NUP98: variants seen among roughly 807,000 people sequenced by gnomAD.
The protein encoded by NUP98 is nuclear pore complex protein Nup98-Nup96.
NUP98 carries 26 observed loss-of-function variants against 191.9 expected under a neutral mutation model. The ratio of observed to expected loss-of-function variants is 0.14; its 90% CI spans 0.10 to 0.19. The LOEUF (loss-of-function observed/expected upper bound fraction) is 0.19. Among genes scored for constraint, NUP98 ranks in the 10% least tolerant of loss-of-function variants. The pLI, the probability that NUP98 is intolerant of heterozygous loss-of-function variation, is 1.00. For missense variants in NUP98, 1,941 were observed against 2,178.8 expected (o/e 0.89, Z 2.17); for synonymous variants, 808 against 778.4 (o/e 1.04, Z -0.63).
At chr11:3,722,790 G>A (rs759341714) in intron 16 of NUP98, among the ~76,000 whole-genome samples, 5 of 152,080 alleles carry the variant, frequency 3.3e-5, no homozygotes, top group Non-Finnish European at 7.4e-5. Context: ...TCCAGCCTGG[G>A]CGACAGAGCG....
chr11:3,718,675 A>G (rs540146622), intron 18 of NUP98, among the ~76,000 whole-genome samples: 1 of 152,366 alleles, frequency 6.6e-6, no homozygotes, highest in South Asian at 2.1e-4. Flanking sequence ...TTATGAAGAT[A>G]AATAATTTTC....
intron 23 of NUP98, among the ~76,000 whole-genome samples, chr11:3,701,190 C>T (rs2078665221): frequency 6.6e-6 from 1 of 151,448 alleles, no homozygotes; most frequent in African/African-American, 2.4e-5. Context: ...TGAGGCTAAG[C>T]TTCTAGATAC....
chr11:3,755,298 G>GAAA (rs34400646), intron 10 of NUP98, among the ~76,000 whole-genome samples: 1 of 136,720 alleles, frequency 7.3e-6, no homozygotes, highest in East Asian at 2.2e-4. Context: ...CTACTACCAC[G>GAAA]AAAAAAAAAA....
rs1564817907 is a variant in NUP98, at chr11:3,699,338, G to A, written c.3753C>T (p.His1251=). 1.2e-6 allele frequency: 2 copies of A among 1,613,870 alleles called. No individual in the cohort carries two copies. Among genetic ancestry groups the A allele is most frequent in the Non-Finnish European group, 1.7e-6 (2 of 1,179,736 alleles). The change falls in exon 25 of 33, where the codon CAC becomes CAT. Residue 1251 remains histidine (H), a synonymous_variant. Transcript: ENST00000324932. ...GDLPEAQIVK[H]WSLTWTLCEA... is the part of the protein sequence containing the mutation. ...CACATAGTGTCCATGTCAGGCTCCA[G>A]TGCTTCACAACTAAGGCAGGAAGAG...
At chr11:3,764,750 T>C (rs908984773) in intron 8 of NUP98, among the ~76,000 whole-genome samples, 4 of 152,206 alleles carry the variant, frequency 2.6e-5, no homozygotes, top group Non-Finnish European at 4.4e-5. Context: ...GGCTAATTTT[T>C]TGTATTTTTA....
chr11:3,741,245 T>C (rs892671887), intron 12 of NUP98, among the ~76,000 whole-genome samples: 12 of 152,082 alleles, frequency 7.9e-5, no homozygotes, highest in Non-Finnish European at 1.8e-4. Context: ...AACTGAGTTT[T>C]AAGCAAAAAA....
At chr11:3,728,092 C>T (rs952238166) in intron 14 of NUP98, among the ~76,000 whole-genome samples, 6 of 152,022 alleles carry the variant, frequency 3.9e-5, no homozygotes, top group African/African-American at 4.8e-5. Context: ...GAGTACAGAG[C>T]GTCAGGGTTA....
At chr11:3,704,688 C>T (rs1589993312) in intron 22 of NUP98, among the ~76,000 whole-genome samples, 1 of 152,174 alleles carries the variant, frequency 6.6e-6, no homozygotes, top group East Asian at 1.9e-4. Flanking sequence ...TCTGCACAAA[C>T]AGAGGTAATT....
chr11:3,677,105 A>G (rs931809728), intron 31 of NUP98, among the ~76,000 whole-genome samples: 2 of 152,254 alleles, frequency 1.3e-5, no homozygotes, highest in Non-Finnish European at 2.9e-5. Context: ...TAGAAAATAA[A>G]TAAGAAAACA....
Position 3,699,352 on chromosome 11 carries a change from A to G in NUP98, c.3743-4T>C. The G allele has an allele frequency of 6.2e-7, 1 of 1,611,338 alleles. No homozygotes were observed. On this transcript the variant is annotated splice_region_variant and splice_polypyrimidine_tract_variant and intron_variant, in intron 24 of 32. Coordinates refer to ENST00000324932, the MANE Select transcript of NUP98 (RefSeq NM_016320.5). ...GTCAGGCTCCAGTGCTTCACAACTA[A>G]GGCAGGAAGAGAAAAACAATGTTAC...
At chr11:3,738,581 T>G (rs751124143) in intron 12 of NUP98, among the ~76,000 whole-genome samples, 1 of 151,922 alleles carries the variant, frequency 6.6e-6, no homozygotes, top group Non-Finnish European at 1.5e-5. Flanking sequence ...ACTTCAAGAA[T>G]AGCCTGGCCA....
At chr11:3,751,779 A>G (rs970017598) in intron 11 of NUP98, among the ~76,000 whole-genome samples, 2 of 152,040 alleles carry the variant, frequency 1.3e-5, no homozygotes, top group Non-Finnish European at 2.9e-5. Context: ...GGATGGTTTG[A>G]GCCTGGGAGG....
chr11:3,770,833 C>G (rs1047504084), intron 7 of NUP98, among the ~76,000 whole-genome samples: 1 of 152,130 alleles, frequency 6.6e-6, no homozygotes, highest in East Asian at 1.9e-4. Flanking sequence ...GTTCTATAAT[C>G]AAACTGGGTC....
At position 3,700,826 on chromosome 11, in the gene NUP98, G is replaced by C. The variant is rs1174857706; in HGVS notation, c.3526C>G (p.Pro1176Ala). 2.5e-6 allele frequency: 4 copies of C among 1,612,980 alleles called. No homozygotes were observed. The South Asian group carries it at 3.3e-5, about 13-fold the overall frequency. Residue 1176 changes from proline to alanine, a missense_variant, in exon 24 of 33, where the codon CCA (proline) becomes GCA (alanine). By Grantham distance (27) the Pro-to-Ala change is conservative (BLOSUM62 -1). Coordinates refer to ENST00000324932, the MANE Select transcript of NUP98 (RefSeq NM_016320.5). ...AGTTTTTCTAAGTGAACTTTGAATGGGGACTCAGTTAGGCTACAAGAGCAA... is the reference window on the plus strand; with the variant it reads ...AGTTTTTCTAAGTGAACTTTGAATGCGGACTCAGTTAGGCTACAAGAGCAA... ...PVAVKPLTESPFKVHLEKLSL... is the reference protein window; with the variant it reads ...PVAVKPLTESAFKVHLEKLSL...
intron 22 of NUP98, 27 bp from the exon 23 acceptor site, chr11:3,702,919 G>A (rs73426390): frequency 6.5e-7 from 1 of 1,547,948 alleles, no homozygotes; most frequent in South Asian, 1.2e-5. Context: ...ATGAAGGGGA[G>A]AAAGACTATT....
chr11:3,763,565 T>C (rs2081244787), intron 8 of NUP98, among the ~76,000 whole-genome samples: 2 of 152,190 alleles, frequency 1.3e-5, no homozygotes, highest in East Asian at 1.9e-4. Flanking sequence ...AGAGCCTTAA[T>C]TCCTTTTTTT....
intron 29 of NUP98, among the ~76,000 whole-genome samples, chr11:3,684,614 T>A (rs2078081168): frequency 6.6e-6 from 1 of 152,122 alleles, no homozygotes; most frequent in Non-Finnish European, 1.5e-5. Flanking sequence ...GGTCATTTCA[T>A]TCCCTGTTAA....
In NUP98 at chr11:3,702,309, ACACACTCTCTCTCTCTCT is replaced by A. The variant is rs1169298861; in HGVS notation, c.3512+136_3512+153del. Among the ~76,000 whole-genome samples, 57 of 53,820 alleles carry A rather than the reference ACACACTCTCTCTCTCTCT, an allele frequency of 1.1e-3. 1 individual carries two copies. Among genetic ancestry groups the A allele is most frequent in the African/African-American group, 1.6e-3 (25 of 15,578 alleles). 35.3% of individuals were successfully genotyped at this position (53,820 alleles called of 152,430 possible). ...CACACACACACACACACACACACAC[ACACACTCTCTCTCTCTCT>A]CTCTCTCTCTCTCTCTCTCTCTCTC... On this transcript the variant is annotated intron_variant, in intron 23 of 32. Transcript: ENST00000324932.
intron 28 of NUP98, among the ~76,000 whole-genome samples, chr11:3,687,571 T>C (rs574099708): frequency 6.6e-6 from 1 of 152,272 alleles, no homozygotes; most frequent in South Asian, 2.1e-4. Flanking sequence ...TAGACACAAC[T>C]AATGAGGCCA....
Sources: allele counts gnomAD v4.1 joint callset (sites outside exome capture counted in the v4.1 genomes callset), GRCh38; gene constraint gnomAD v4.1.1; transcripts MANE v1.5; gene names NCBI Gene and HGNC (gene_info 2026-07-23, HGNC 2026-07-21).